The following CMIP variants were observed in gnomAD, a reference collection of about 807,000 sequenced individuals.
CMIP encodes C-Maf-inducing protein.
A neutral mutation model predicts 97.3 loss-of-function variants in CMIP; 13 were observed. The ratio of observed to expected loss-of-function variants is 0.13; its 90% CI spans 0.09 to 0.21. CMIP has a LOEUF of 0.21. Ranked by LOEUF, CMIP falls within the 10% of genes least tolerant of loss-of-function variation. The pLI, the probability that CMIP is intolerant of heterozygous loss-of-function variation, is 1.00. For missense variants in CMIP, 847 were observed against 1,024.9 expected, an observed-to-expected ratio of 0.83 and a Z score of 2.37; for synonymous variants, 538 against 436.3, an observed-to-expected ratio of 1.23 and a Z score of -2.91.
chr16:81,585,870 C>G lies in CMIP; in HGVS notation c.301-21697C>G, dbSNP rs946349862. Among the ~76,000 whole-genome samples, 12 of 152,304 alleles carry G rather than the reference C, an allele frequency of 7.9e-5. No individual in the cohort carries two copies. The East Asian group carries it at 1.9e-3, about 25-fold the overall frequency. On this transcript the variant is annotated intron_variant, in intron 1 of 20. Coordinates refer to ENST00000537098, the MANE Select transcript of CMIP (RefSeq NM_198390.3). The stretch of plus-strand genomic sequence containing the variant: ...GAGTTAGTGGCTGTCTTCCTCTTTA[C>G]TGCTCTGTAAGAGTTGCTGCCCCTG...
intron 9 of CMIP, among the ~76,000 whole-genome samples, chr16:81,673,260 A>G (rs910274447): frequency 6.6e-6 from 1 of 152,300 alleles, no homozygotes; most frequent in South Asian, 2.1e-4. Flanking sequence ...TCACACCTGT[A>G]ATCCCAGCAG....
rs1908206588 is a variant in CMIP, at chr16:81,706,863, A to G, written c.2198-151A>G. 4.4e-6 allele frequency: 3 copies of G among 678,352 alleles called. No individual in the cohort carries two copies. In the Admixed American group the frequency reaches 7.0e-5, roughly 16 times the overall value. 42.0% of individuals were successfully genotyped at this position (678,352 alleles called of 1,614,324 possible). On this transcript the variant is annotated intron_variant, in intron 19 of 20. Transcript: ENST00000537098. The stretch of plus-strand genomic sequence containing the variant: ...ACTTTCGGTGTCTAGTGGGCCACCT[A>G]CCCTGGCTGTGTCTACGAAACCTCC...
At chr16:81,651,264 G>C (rs1426055259) in intron 3 of CMIP, 3 of 175,766 alleles carry the variant, frequency 1.7e-5, no homozygotes, top group Non-Finnish European at 3.4e-5. Context: ...GCAAAGGCGG[G>C]AGCCCGGGCG....
At chr16:81,486,748 G>A (rs965120591) in intron 1 of CMIP, among the ~76,000 whole-genome samples, 1 of 152,228 alleles carries the variant, frequency 6.6e-6, no homozygotes, top group African/African-American at 2.4e-5. Context: ...CCTGGTGGCC[G>A]GCACTGTTGC....
At chr16:81,472,222 G>A (rs979132427) in intron 1 of CMIP, among the ~76,000 whole-genome samples, 5 of 152,194 alleles carry the variant, frequency 3.3e-5, no homozygotes, top group Admixed American at 6.5e-5. Flanking sequence ...GTTGTGTGAC[G>A]TCTCTGCCTC....
At chr16:81,521,512 A>T (rs2090027110) in intron 1 of CMIP, among the ~76,000 whole-genome samples, 1 of 151,990 alleles carries the variant, frequency 6.6e-6, no homozygotes, top group South Asian at 2.1e-4. Flanking sequence ...CAACAATAGC[A>T]TTTCTGCTTC....
chr16:81,505,490 G>A lies in CMIP; in HGVS notation c.300+59949G>A, dbSNP rs186966750. ...CTGTGAGCCCCAGAGCCTCAGCTGG[G>A]ACCTGCTGGGCCGAGTTTCTGGTCC... On this transcript the variant is annotated intron_variant, in intron 1 of 20. Coordinates refer to ENST00000537098, the MANE Select transcript of CMIP (RefSeq NM_198390.3). Among the ~76,000 whole-genome samples the A allele has an allele frequency of 8.5e-5, 13 of 152,346 alleles. No homozygotes were observed. In the East Asian group the frequency reaches 2.1e-3, roughly 25 times the overall value.
intron 1 of CMIP, among the ~76,000 whole-genome samples, chr16:81,564,330 A>G (rs904391793): frequency 6.6e-6 from 1 of 152,192 alleles, no homozygotes; most frequent in Non-Finnish European, 1.5e-5. Context: ...GATGTCTAAA[A>G]TGTGCCCATG....
rs937157700 is a variant in CMIP, at chr16:81,564,556, C to T, written c.301-43011C>T. On this transcript the variant is annotated intron_variant, in intron 1 of 20. Coordinates refer to ENST00000537098, the MANE Select transcript of CMIP (RefSeq NM_198390.3). ...GAATGAGAAGAAGCAAAGCTGGCCTCTGCCAGCAGCCGGGAGCCAGGAGTT... is the reference window on the plus strand; with the variant it reads ...GAATGAGAAGAAGCAAAGCTGGCCTTTGCCAGCAGCCGGGAGCCAGGAGTT... 1.2e-4 allele frequency among the ~76,000 whole-genome samples: 19 copies of T among 152,362 alleles called. No homozygotes were observed. In the East Asian group the frequency reaches 3.5e-3, roughly 28 times the overall value.
intron 1 of CMIP, among the ~76,000 whole-genome samples, chr16:81,516,683 C>T (rs1192998515): frequency 3.3e-5 from 5 of 152,218 alleles, no homozygotes; most frequent in Admixed American, 6.5e-5. Context: ...TAGTTGTCTG[C>T]AGCCAAACTG....
chr16:81,617,505 C>G (rs1337951551), intron 2 of CMIP: 1 of 152,392 alleles, frequency 6.6e-6, no homozygotes, highest in African/African-American at 2.4e-5. Flanking sequence ...TGGAAGGCCC[C>G]CTAAGACTCA....
intron 1 of CMIP, among the ~76,000 whole-genome samples, chr16:81,541,157 C>T (rs1389145714): frequency 6.6e-6 from 1 of 152,096 alleles, no homozygotes; most frequent in Admixed American, 6.5e-5. Flanking sequence ...AGTTCCCCTT[C>T]CTCCACCCCC....
At chr16:81,680,832 T>C (rs1298838127) in intron 10 of CMIP, among the ~76,000 whole-genome samples, 5 of 152,216 alleles carry the variant, frequency 3.3e-5, no homozygotes. Flanking sequence ...ACTCCCCAGT[T>C]CCAGCTGGTT....
chr16:81,482,322 A>C (rs2089238632), intron 1 of CMIP, among the ~76,000 whole-genome samples: 1 of 152,196 alleles, frequency 6.6e-6, no homozygotes, highest in Admixed American at 6.5e-5. Context: ...TGAAGGGAGT[A>C]GGATGATTAG....
chr16:81,538,702 G>A (rs2090392563), intron 1 of CMIP, among the ~76,000 whole-genome samples: 2 of 152,300 alleles, frequency 1.3e-5, no homozygotes, highest in South Asian at 4.1e-4. Flanking sequence ...CCACCCTGAA[G>A]AATGTGTCAG....
chr16:81,540,276 C>G (rs1030072904), intron 1 of CMIP, among the ~76,000 whole-genome samples: 1 of 152,184 alleles, frequency 6.6e-6, no homozygotes, highest in Non-Finnish European at 1.5e-5. Context: ...TGTTGGAGAG[C>G]TCCATCCTGT....
At chr16:81,578,370 A>G (rs1487383923) in intron 1 of CMIP, among the ~76,000 whole-genome samples, 7 of 152,268 alleles carry the variant, frequency 4.6e-5, no homozygotes, top group Non-Finnish European at 1.0e-4. Flanking sequence ...TAAAGAGTAC[A>G]GAGTCCCTTA....
chr16:81,460,597 A>G (rs1007548997), intron 1 of CMIP, among the ~76,000 whole-genome samples: 1 of 152,126 alleles, frequency 6.6e-6, no homozygotes, highest in African/African-American at 2.4e-5. Context: ...CTTCCCCTGT[A>G]CGCTGCCCAT....
chr16:81,505,720 G>C lies in CMIP; in HGVS notation c.300+60179G>C, dbSNP rs555916009. 2.6e-5 allele frequency among the ~76,000 whole-genome samples: 4 copies of C among 152,342 alleles called. No homozygotes were observed. The South Asian group carries it at 8.3e-4, about 32-fold the overall frequency. On this transcript the variant is annotated intron_variant, in intron 1 of 20. Transcript: ENST00000537098. ...TTAAATCAGGAACAGGCTGGGCACG[G>C]TGGCTCATGCCTGTAATCCCAGCAC...
Sources: allele counts gnomAD v4.1 joint callset (sites outside exome capture counted in the v4.1 genomes callset), GRCh38; gene constraint gnomAD v4.1.1; transcripts MANE v1.5; gene names NCBI Gene and HGNC (gene_info 2026-07-23, HGNC 2026-07-21).